Variants in CCSER1 observed in about 807,000 individuals in gnomAD.
The protein encoded by CCSER1 is coiled-coil serine rich protein 1.
A neutral mutation model predicts 82.0 loss-of-function variants in CCSER1; 41 were observed. That is an observed-to-expected ratio of 0.50 (90% CI 0.39 to 0.65). CCSER1 has a LOEUF of 0.65. CCSER1 is among the 30% of genes least tolerant of loss of function. The probability of loss-of-function intolerance (pLI) is 0.00; values close to 1 mark genes in which losing one functional copy is unlikely to be tolerated. For synonymous variants in CCSER1, 414 were observed against 383.9 expected (o/e 1.08, Z -0.92); for missense variants, 1,119 against 1,064.2 (o/e 1.05, Z -0.72).
At chr4:91,101,956 A>G (rs1725108198) in intron 10 of CCSER1, among the ~76,000 whole-genome samples, 1 of 152,224 alleles carries the variant, frequency 6.6e-6, no homozygotes, top group Admixed American at 6.5e-5. Flanking sequence ...GAAACTTTGT[A>G]TTTGAGAGAC....
rs185993641 is a variant in CCSER1 at position 90,634,885 on chromosome 4, A to G, written c.1932+6653A>G. ...AATATGTTTAAGGAAAATTAGAAAA[A>G]CAAGTTTCATGAAAACATCAAATGG... On this transcript the variant is annotated intron_variant, in intron 6 of 10. Coordinates refer to ENST00000509176, the MANE Select transcript of CCSER1 (RefSeq NM_001145065.2). 5.9e-5 allele frequency among the ~76,000 whole-genome samples: 9 copies of G among 151,960 alleles called. No homozygotes were observed. The East Asian group carries it at 1.5e-3, about 26-fold the overall frequency.
At chr4:91,172,402 A>G (rs772431970) in intron 10 of CCSER1, among the ~76,000 whole-genome samples, 7 of 152,214 alleles carry the variant, frequency 4.6e-5, no homozygotes, top group Non-Finnish European at 1.0e-4. Context: ...AAAGGCAACA[A>G]CATGAGTGAA....
At chr4:90,255,768 G>T (rs1367848813) in intron 1 of CCSER1, among the ~76,000 whole-genome samples, 2 of 152,138 alleles carry the variant, frequency 1.3e-5, no homozygotes, top group African/African-American at 4.8e-5. Flanking sequence ...AGTCTTTATA[G>T]AACAGATTGC....
chr4:90,826,453 G>A (rs892383949), intron 8 of CCSER1, among the ~76,000 whole-genome samples: 1 of 152,188 alleles, frequency 6.6e-6, no homozygotes, highest in African/African-American at 2.4e-5. Flanking sequence ...TGTCCTCAAG[G>A]AAGCAAAGGG....
At chr4:90,832,884 T>A (rs1409015629) in intron 8 of CCSER1, among the ~76,000 whole-genome samples, 1 of 152,206 alleles carries the variant, frequency 6.6e-6, no homozygotes, top group Non-Finnish European at 1.5e-5. Flanking sequence ...ATTTTCTATG[T>A]ATAAATGGGA....
chr4:91,247,684 A>G, intron 10 of CCSER1, among the ~76,000 whole-genome samples: 1 of 152,100 alleles, frequency 6.6e-6, no homozygotes, highest in East Asian at 1.9e-4. Context: ...CATGGCCAAC[A>G]TGGCGAAACC....
At chr4:90,256,448 G>T (rs1213052125) in intron 1 of CCSER1, among the ~76,000 whole-genome samples, 2 of 152,058 alleles carry the variant, frequency 1.3e-5, no homozygotes, top group Non-Finnish European at 2.9e-5. Context: ...TGTGCTTTTG[G>T]CTACACAGTT....
At chr4:90,467,055 C>T (rs1763737040) in intron 4 of CCSER1, among the ~76,000 whole-genome samples, 1 of 152,094 alleles carries the variant, frequency 6.6e-6, no homozygotes, top group Non-Finnish European at 1.5e-5. Context: ...ATAGATGAAT[C>T]TTATAATCAC....
chr4:91,560,958 A>G (rs1185887795), intron 10 of CCSER1, among the ~76,000 whole-genome samples: 2 of 151,418 alleles, frequency 1.3e-5, no homozygotes, highest in African/African-American at 4.8e-5. Context: ...CAAAGATTTA[A>G]TAACTGAAAG....
At position 90,961,529 on chromosome 4, in the gene CCSER1, A is replaced by G. The variant is rs182723008; in HGVS notation, c.2172+38082A>G. Among the ~76,000 whole-genome samples the G allele has an allele frequency of 4.6e-5, 7 of 152,288 alleles. No individual in the cohort carries two copies. The East Asian group carries it at 1.2e-3, about 25-fold the overall frequency. ...GAATAATATGTTGAAAGCAAAAGAA[A>G]ATGTTTCATATGAATATTTGAATGT... On this transcript the variant is annotated intron_variant, in intron 9 of 10. Transcript: ENST00000509176.
intron 8 of CCSER1, among the ~76,000 whole-genome samples, chr4:90,892,940 A>G (rs978103267): frequency 6.6e-6 from 1 of 152,042 alleles, no homozygotes; most frequent in African/African-American, 2.4e-5. Context: ...AAATGATTAG[A>G]TTGCTGTATT....
chr4:90,390,358 G>T (rs929461527), intron 3 of CCSER1, among the ~76,000 whole-genome samples: 6 of 152,118 alleles, frequency 3.9e-5, no homozygotes, highest in African/African-American at 1.4e-4. Context: ...ATGATGCTGA[G>T]GTCTGAGGTA....
intron 10 of CCSER1, among the ~76,000 whole-genome samples, chr4:91,508,636 A>T (rs966323022): frequency 2.7e-5 from 4 of 149,880 alleles, no homozygotes; most frequent in African/African-American, 9.8e-5. Context: ...TTTTTGAAGG[A>T]TTTATTCCTA....
chr4:90,278,285 T>C (rs1321340600), intron 1 of CCSER1, among the ~76,000 whole-genome samples: 1 of 152,164 alleles, frequency 6.6e-6, no homozygotes, highest in Non-Finnish European at 1.5e-5. Context: ...CTCAAAGTAC[T>C]AAGTGTTGAA....
rs1004080657 is a variant in CCSER1, at chr4:91,396,456, G to T, written c.2218-202116G>T. On this transcript the variant is annotated intron_variant, in intron 10 of 10. Transcript: ENST00000509176. ...TGATAGTAACATTTTAAATGCAAAG[G>T]TACATTTAATTGAGCTTTCTCTTTT... is the stretch of plus-strand genomic sequence containing the variant. Among the ~76,000 whole-genome samples, 11 of 152,000 alleles carry T rather than the reference G, an allele frequency of 7.2e-5. 1 individual carries two copies. The highest frequency in any genetic ancestry group is 1.3e-4 in the Admixed American group (2 of 15,210).
intron 3 of CCSER1, among the ~76,000 whole-genome samples, chr4:90,378,088 T>C (rs553130360): frequency 3.6e-4 from 55 of 152,276 alleles, no homozygotes; most frequent in African/African-American, 1.3e-3. Flanking sequence ...GTATTATTTA[T>C]TGAACAATGC....
intron 8 of CCSER1, among the ~76,000 whole-genome samples, chr4:90,816,918 T>A (rs1040088598): frequency 1.3e-5 from 2 of 152,128 alleles, no homozygotes; most frequent in Non-Finnish European, 2.9e-5. Context: ...ATTTAAACAG[T>A]GTTCTAGGAT....
intron 9 of CCSER1, among the ~76,000 whole-genome samples, chr4:91,078,348 C>T (rs1266637481): frequency 6.6e-6 from 1 of 152,178 alleles, no homozygotes; most frequent in African/African-American, 2.4e-5. Context: ...CTCCAACAGA[C>T]CTGCAGCTGA....
At chr4:91,242,839 G>T (rs969425277) in intron 10 of CCSER1, among the ~76,000 whole-genome samples, 2 of 152,086 alleles carry the variant, frequency 1.3e-5, no homozygotes, top group African/African-American at 4.8e-5. Flanking sequence ...AAAGGTTGGG[G>T]GTCAAAGCAA....
Sources: gnomAD v4.1 joint callset for allele counts (sites outside exome capture counted in the v4.1 genomes callset) on GRCh38, gnomAD v4.1.1 for gene constraint, MANE v1.5 for transcripts, NCBI Gene and HGNC (gene_info 2026-07-23, HGNC 2026-07-21) for gene names.